HIPK3: variants seen among roughly 807,000 people sequenced by gnomAD.
The protein encoded by HIPK3 is homeodomain-interacting protein kinase 3.
In HIPK3, 47 loss-of-function variants were observed where a neutral mutation model predicts 124.2. The ratio of observed to expected loss-of-function variants is 0.38; its 90% confidence interval spans 0.30 to 0.48. HIPK3 has a LOEUF of 0.48. HIPK3 is among the 20% of genes least tolerant of loss of function. The pLI, the probability that HIPK3 is intolerant of heterozygous loss-of-function variation, is 0.98. For synonymous variants in HIPK3, 482 were observed against 515.2 expected (o/e 0.94, Z 0.87); for missense variants, 1,286 against 1,454.3 (o/e 0.88, Z 1.88).
In HIPK3 at chr11:33,352,127, T is replaced by A; in HGVS notation, c.3044-11T>A. On this transcript the variant is annotated splice_polypyrimidine_tract_variant and intron_variant, in intron 15 of 16. Coordinates refer to ENST00000303296, the MANE Select transcript of HIPK3 (RefSeq NM_005734.5). ...AAAGCATAAACTCTTTAATATTTTA[T>A]TCGTCGCCAGATTCTATATGCCAGC... is the stretch of plus-strand genomic sequence containing the variant. The A allele has an allele frequency of 6.2e-7, 1 of 1,610,810 alleles. No individual in the cohort carries two copies. Among genetic ancestry groups the A allele is most frequent in the Non-Finnish European group, 8.5e-7 (1 of 1,177,516 alleles).
chr11:33,342,612 C>T lies in HIPK3; in HGVS notation c.1897+926C>T, dbSNP rs997041430. Among the ~76,000 whole-genome samples, 19 of 150,488 alleles carry T rather than the reference C, an allele frequency of 1.3e-4. 1 individual carries two copies. The Middle Eastern group carries it at 0.014, about 109-fold the overall frequency. The stretch of plus-strand genomic sequence containing the variant: ...AGGCAGGAGTGCAATGGCACTATCT[C>T]GGCGCACTGCAACCTGCAGCCTCCG... On this transcript the variant is annotated intron_variant, in intron 8 of 16. Transcript: ENST00000303296.
intron 3 of HIPK3, among the ~76,000 whole-genome samples, chr11:33,330,849 C>A (rs1852958034): frequency 6.7e-6 from 1 of 148,582 alleles, no homozygotes; most frequent in South Asian, 2.1e-4. Context: ...TTTTTTTGCA[C>A]TTGTTAAAAT....
intron 2 of HIPK3, among the ~76,000 whole-genome samples, chr11:33,292,582 C>T (rs112960194): frequency 9.8e-4 from 149 of 152,136 alleles, no homozygotes; most frequent in African/African-American, 3.5e-3. Context: ...TCTCACTAAG[C>T]CACTCTTAAC....
intron 1 of HIPK3, chr11:33,258,483 G>T: frequency 1.0e-6 from 1 of 985,440 alleles, no homozygotes; most frequent in Non-Finnish European, 1.2e-6. Context: ...GTGTGTGATT[G>T]TTGGGGAGGA....
At chr11:33,311,910 TACACACACACAC>T (rs71034671) in intron 2 of HIPK3, among the ~76,000 whole-genome samples, 1 of 114,296 alleles carries the variant, frequency 8.7e-6, no homozygotes, top group Non-Finnish European at 1.8e-5. Flanking sequence ...ACCCTGTTTC[TACACACACACAC>T]ACACACACAC....
intron 2 of HIPK3, among the ~76,000 whole-genome samples, chr11:33,310,022 C>G (rs1352567853): frequency 6.6e-6 from 1 of 152,024 alleles, no homozygotes; most frequent in East Asian, 1.9e-4. Flanking sequence ...ATTTTAAAGT[C>G]CCTGTTTTAA....
intron 1 of HIPK3, among the ~76,000 whole-genome samples, chr11:33,267,033 C>A (rs1850984880): frequency 6.6e-6 from 1 of 152,112 alleles, no homozygotes; most frequent in African/African-American, 2.4e-5. Context: ...GCCATATTTC[C>A]TTTCTCCTAA....
chr11:33,318,352 T>C (rs1434721677), intron 2 of HIPK3, among the ~76,000 whole-genome samples: 3 of 152,042 alleles, frequency 2.0e-5, no homozygotes, highest in Non-Finnish European at 4.4e-5. Flanking sequence ...TAGGCGTGAG[T>C]GAGCCACAGT....
chr11:33,320,373 G>C (rs1200341945), intron 2 of HIPK3, among the ~76,000 whole-genome samples: 1 of 152,162 alleles, frequency 6.6e-6, no homozygotes, highest in Non-Finnish European at 1.5e-5. Flanking sequence ...GGTTGGATTA[G>C]AGTGGTAACA....
chr11:33,275,101 G>T (rs974212999), intron 1 of HIPK3, among the ~76,000 whole-genome samples: 1 of 151,894 alleles, frequency 6.6e-6, no homozygotes, highest in African/African-American at 2.4e-5. Flanking sequence ...ATGCAGTGGC[G>T]TGATCTTGAG....
Position 33,302,338 on chromosome 11 carries a change from ACTT to A in HIPK3, c.1097+14831_1097+14833del, listed in dbSNP as rs1291673467. On this transcript the variant is annotated intron_variant, in intron 2 of 16. Transcript: ENST00000303296. Reference sequence around the variant, plus strand: ...ATGAACTTCTCTATGATAATTCCTTACTTCTTTTTTTTTTTTTTGAGAAGGAGT... The same window carrying A: ...ATGAACTTCTCTATGATAATTCCTTACTTTTTTTTTTTTTTGAGAAGGAGT... Among the ~76,000 whole-genome samples, 15 of 49,712 alleles carry A rather than the reference ACTT, an allele frequency of 3.0e-4. 1 individual carries two copies. The East Asian group carries it at 6.2e-3, about 20-fold the overall frequency. The allele number at this position is 49,712 out of a possible 152,430, so 32.6% of individuals were successfully genotyped here. A position where few individuals can be genotyped will look rare whatever the true frequency, so the allele number is the denominator to read the frequency against.
chr11:33,266,796 A>T (rs1850977547), intron 1 of HIPK3, among the ~76,000 whole-genome samples: 1 of 152,332 alleles, frequency 6.6e-6, no homozygotes, highest in Middle Eastern at 3.4e-3. Context: ...CTGATGGAAA[A>T]AAATATTACC....
intron 2 of HIPK3, among the ~76,000 whole-genome samples, chr11:33,315,933 A>G (rs1852488203): frequency 6.6e-6 from 1 of 152,180 alleles, no homozygotes; most frequent in South Asian, 2.1e-4. Flanking sequence ...GCCTTTCAAT[A>G]AGGATATTTT....
intron 3 of HIPK3, among the ~76,000 whole-genome samples, chr11:33,333,917 T>C (rs893318126): frequency 6.6e-6 from 1 of 152,230 alleles, no homozygotes; most frequent in African/African-American, 2.4e-5. Context: ...TTTGTTGAAA[T>C]TGAATTGTTG....
intron 1 of HIPK3, among the ~76,000 whole-genome samples, chr11:33,266,749 T>C (rs541273215): frequency 6.6e-6 from 1 of 152,288 alleles, no homozygotes; most frequent in Non-Finnish European, 1.5e-5. Context: ...ACCCTAATTT[T>C]TAACTTTATT....
Position 33,339,434 on chromosome 11 carries a change from A to C in HIPK3, c.1513A>C (p.Met505Leu). The C allele has an allele frequency of 6.2e-7, 1 of 1,613,552 alleles. No homozygotes were observed. Among genetic ancestry groups the C allele is most frequent in the Non-Finnish European group, 8.5e-7 (1 of 1,179,538 alleles). ...AGAATTTGTTAGTCTGTTGAAGAAA[A>C]TGTTGCTGATTGATGCAGATTTAAG... ...RREFVSLLKK[M>L]LLIDADLRIT... Residue 505 changes from methionine (M) to leucine (L), a missense_variant, in exon 6 of 17, where the codon ATG becomes CTG. Met to Leu is a conservative substitution (Grantham distance 15). Coordinates refer to ENST00000303296, the MANE Select transcript of HIPK3 (RefSeq NM_005734.5).
chr11:33,284,840 G>A (rs80207304), intron 1 of HIPK3, among the ~76,000 whole-genome samples: 2,816 of 152,218 alleles, frequency 0.018, 37 homozygotes, highest in Non-Finnish European at 0.027. Context: ...TCAAATGGTG[G>A]TTTTGACGTA....
chr11:33,282,990 T>A (rs772130658), intron 1 of HIPK3, among the ~76,000 whole-genome samples: 1 of 152,004 alleles, frequency 6.6e-6, no homozygotes, highest in South Asian at 2.1e-4. Flanking sequence ...ATAGCCGGAG[T>A]TTTCAGTGTG....
intron 8 of HIPK3, among the ~76,000 whole-genome samples, chr11:33,345,142 T>C (rs1192796434): frequency 6.6e-6 from 1 of 152,124 alleles, no homozygotes; most frequent in African/African-American, 2.4e-5. Flanking sequence ...ACTATATCCA[T>C]AAGACTGTGC....
Sources: gnomAD v4.1 joint callset for allele counts (sites outside exome capture counted in the v4.1 genomes callset) on GRCh38, gnomAD v4.1.1 for gene constraint, MANE v1.5 for transcripts, NCBI Gene and HGNC (gene_info 2026-07-23, HGNC 2026-07-21) for gene names.